The following EVL variants were observed in gnomAD, a reference collection of about 807,000 sequenced individuals.
EVL encodes Enah/Vasp-like, also known as ena/VASP-like protein.
EVL carries 21 observed loss-of-function variants against 59.6 expected under a neutral mutation model. That is an observed-to-expected ratio of 0.35 (90% CI 0.25 to 0.51). The LOEUF is 0.51. EVL is among the 20% of genes least tolerant of loss of function. EVL has a pLI of 0.97. For synonymous variants in EVL, 198 were observed against 203.5 expected, an observed-to-expected ratio of 0.97 and a Z score of 0.23; for missense variants, 462 against 546.6, an observed-to-expected ratio of 0.85 and a Z score of 1.54.
intron 1 of EVL, among the ~76,000 whole-genome samples, chr14:100,079,235 T>C (rs1401863267): frequency 6.6e-6 from 1 of 152,250 alleles, no homozygotes; most frequent in East Asian, 1.9e-4. Flanking sequence ...GAGAGAAGGC[T>C]GATGGTAATC....
intron 3 of EVL, 116 bp from the exon 4 acceptor site, chr14:100,123,423 C>A: frequency 1.0e-6 from 1 of 979,116 alleles, no homozygotes; most frequent in Non-Finnish European, 1.6e-6. Context: ...TAAAAAGATT[C>A]TTAAGGATGT....
chr14:100,132,822 T>G, intron 8 of EVL, 43 bp downstream of exon 8: 1 of 1,607,178 alleles, frequency 6.2e-7, no homozygotes, highest in Non-Finnish European at 8.5e-7. Flanking sequence ...CCCACTGAGA[T>G]GAGCGCATCG....
intron 3 of EVL, among the ~76,000 whole-genome samples, chr14:100,102,660 C>T (rs1245594904): frequency 6.6e-6 from 1 of 152,118 alleles, no homozygotes; most frequent in African/African-American, 2.4e-5. Flanking sequence ...CCAGAAGTGC[C>T]AGAGGGAGGG....
At chr14:99,994,112 CTTTTTTTTTTTTTTT>C (rs751533422) in intron 1 of EVL, among the ~76,000 whole-genome samples, 1 of 55,154 alleles carries the variant, frequency 1.8e-5, no homozygotes, top group Non-Finnish European at 3.3e-5. Context: ...AGCCTTTTGG[CTTTTTTTTTTTTTTT>C]TTTTTTTTTT....
chr14:100,065,486 T>C lies in EVL; in HGVS notation c.-15T>C. On this transcript the variant is annotated 5_prime_UTR_variant, in exon 1 of 14. Transcript: ENST00000392920. ...CTCGCCTCCTCAGGGTTCCCTGTGC[T>C]GCCACTTTTCAGCCATGGCCACAAG... is the stretch of plus-strand genomic sequence containing the variant. The C allele has an allele frequency of 6.6e-7, 1 of 1,519,212 alleles. No homozygotes were observed. The highest frequency in any genetic ancestry group is 8.9e-7 in the Non-Finnish European group (1 of 1,122,360). The allele number at this position is 1,519,212 out of a possible 1,614,324, so 94.1% of individuals were successfully genotyped here. A position where few individuals can be genotyped will look rare whatever the true frequency, so the allele number is the denominator to read the frequency against.
intron 4 of EVL, among the ~76,000 whole-genome samples, chr14:100,124,787 C>T (rs1364042620): frequency 2.6e-5 from 4 of 152,194 alleles, no homozygotes; most frequent in Non-Finnish European, 5.9e-5. Flanking sequence ...ACCCGCAGTG[C>T]TGAATTCTGT....
chr14:100,091,328 A>G (rs1258869188), intron 2 of EVL, among the ~76,000 whole-genome samples: 2 of 152,196 alleles, frequency 1.3e-5, no homozygotes, highest in African/African-American at 4.8e-5. Context: ...CCCATATCCT[A>G]GAGGAAGGAA....
chr14:99,994,112 C>CTTTTTT (rs751533422), intron 1 of EVL, among the ~76,000 whole-genome samples: 6 of 55,156 alleles, frequency 1.1e-4, no homozygotes, highest in African/African-American at 1.8e-4. Context: ...AGCCTTTTGG[C>CTTTTTT]TTTTTTTTTT....
At chr14:100,070,300 C>T (rs1018339081) in intron 1 of EVL, among the ~76,000 whole-genome samples, 8 of 152,078 alleles carry the variant, frequency 5.3e-5, no homozygotes, top group African/African-American at 1.9e-4. Context: ...TACAAAGTAT[C>T]GTATTCCAGG....
intron 1 of EVL, among the ~76,000 whole-genome samples, chr14:100,051,788 G>A (rs767825525): frequency 4.6e-5 from 7 of 152,150 alleles, no homozygotes; most frequent in Non-Finnish European, 7.4e-5. Context: ...CAGTTCCCTG[G>A]TTTCTAACTT....
intron 1 of EVL, among the ~76,000 whole-genome samples, chr14:99,976,871 C>G (rs375958243): frequency 2.6e-5 from 4 of 152,236 alleles, no homozygotes; most frequent in African/African-American, 9.6e-5. Context: ...AAATTAGCCT[C>G]AAACACTGAG....
intron 1 of EVL, among the ~76,000 whole-genome samples, chr14:100,010,250 AAAGT>A (rs1347583726): frequency 1.3e-5 from 2 of 152,226 alleles, no homozygotes; most frequent in African/African-American, 4.8e-5. Context: ...CTCAGATTGG[AAAGT>A]AAGTCACGAT....
At chr14:100,044,817 A>G (rs1430894326) in intron 1 of EVL, among the ~76,000 whole-genome samples, 1 of 152,156 alleles carries the variant, frequency 6.6e-6, no homozygotes, top group Non-Finnish European at 1.5e-5. Context: ...GCTTGGATGT[A>G]AGGGTTGAAG....
chr14:100,079,784 G>C (rs1030564704), intron 1 of EVL, among the ~76,000 whole-genome samples: 34 of 152,120 alleles, frequency 2.2e-4, no homozygotes, highest in African/African-American at 7.5e-4. Flanking sequence ...CACAGGGAGT[G>C]GGGGAGCAAG....
chr14:100,076,041 G>T lies in EVL; in HGVS notation c.12-8646G>T, dbSNP rs79288656. On this transcript the variant is annotated intron_variant, in intron 1 of 13. Coordinates refer to ENST00000392920, the MANE Select transcript of EVL (RefSeq NM_016337.3). ...ATGGGTGGATAGGTGTGTTTTGAAA[G>T]CAATGACAATGTGAGCTTTGAGAAA... Among the ~76,000 whole-genome samples, 217 of 152,326 alleles carry T rather than the reference G, an allele frequency of 1.4e-3. 1 individual carries two copies. The highest frequency in any genetic ancestry group is 2.0e-3 in the Non-Finnish European group (139 of 68,030).
intron 4 of EVL, among the ~76,000 whole-genome samples, chr14:100,124,634 C>A (rs1279438603): frequency 6.6e-6 from 1 of 152,218 alleles, no homozygotes; most frequent in Non-Finnish European, 1.5e-5. Flanking sequence ...TCAAGTCTCA[C>A]TCCAGCTGCA....
chr14:100,006,731 A>T (rs1274774500), intron 1 of EVL, among the ~76,000 whole-genome samples: 1 of 151,882 alleles, frequency 6.6e-6, no homozygotes, highest in East Asian at 1.9e-4. Context: ...AGCGAGCTCA[A>T]ACTCCATAAA....
chr14:100,107,064 A>G, intron 3 of EVL: 2 of 398,736 alleles, frequency 5.0e-6, no homozygotes, highest in Non-Finnish European at 8.8e-6. Flanking sequence ...GAATGACACC[A>G]CAGGCCCGTG....
intron 13 of EVL, chr14:100,142,058 C>G: frequency 2.8e-6 from 1 of 360,372 alleles, no homozygotes; most frequent in South Asian, 4.2e-5. Flanking sequence ...CCTGGAAGAC[C>G]CACGTGGGAA....
Sources: gnomAD v4.1 joint callset for allele counts (sites outside exome capture counted in the v4.1 genomes callset) on GRCh38, gnomAD v4.1.1 for gene constraint, MANE v1.5 for transcripts, NCBI Gene and HGNC (gene_info 2026-07-23, HGNC 2026-07-21) for gene names.